The following TMEM132C variants were observed in gnomAD, a reference collection of about 807,000 sequenced individuals.
TMEM132C encodes transmembrane protein 132C, also known as protein phosphatase 1, regulatory subunit 152.
TMEM132C carries 29 observed loss-of-function variants against 61.4 expected under a neutral mutation model. That is an observed-to-expected ratio of 0.47 (90% CI 0.35 to 0.64). TMEM132C has a LOEUF of 0.64. Among genes scored for constraint, TMEM132C ranks in the 30% least tolerant of loss-of-function variants. TMEM132C has a pLI of 0.00. For missense variants in TMEM132C, 1,408 were observed against 1,476.9 expected, an observed-to-expected ratio of 0.95 and a Z score of 0.76; for synonymous variants, 656 against 633.1, an observed-to-expected ratio of 1.04 and a Z score of -0.54.
At chr12:128,301,940 A>T (rs1218388680) in intron 1 of TMEM132C, among the ~76,000 whole-genome samples, 8 of 152,334 alleles carry the variant, frequency 5.3e-5, no homozygotes, top group Admixed American at 2.6e-4. Flanking sequence ...GTGAAAGAGG[A>T]AACCACTTAT....
At chr12:128,645,128 C>T (rs370643377) in intron 4 of TMEM132C, among the ~76,000 whole-genome samples, 2 of 152,096 alleles carry the variant, frequency 1.3e-5, no homozygotes, top group South Asian at 2.1e-4. Flanking sequence ...GACTCCTGGC[C>T]GCACTGGAGA....
intron 4 of TMEM132C, among the ~76,000 whole-genome samples, chr12:128,617,567 T>G (rs960402180): frequency 5.3e-5 from 8 of 151,882 alleles, no homozygotes; most frequent in African/African-American, 1.7e-4. Context: ...AGGTGTAGCA[T>G]CAGGTGAGGC....
At chr12:128,268,515 C>T (rs1870396398) in intron 1 of TMEM132C, among the ~76,000 whole-genome samples, 1 of 152,110 alleles carries the variant, frequency 6.6e-6, no homozygotes, top group South Asian at 2.1e-4. Flanking sequence ...CTGCTCCCCG[C>T]GCCCTGGCGA....
At chr12:128,513,083 G>A (rs1458974734) in intron 2 of TMEM132C, among the ~76,000 whole-genome samples, 2 of 152,148 alleles carry the variant, frequency 1.3e-5, no homozygotes, top group Non-Finnish European at 2.9e-5. Flanking sequence ...GCTCAGAAGA[G>A]GGGAAGACAG....
At chr12:128,490,856 T>C (rs1220597189) in intron 2 of TMEM132C, among the ~76,000 whole-genome samples, 1 of 152,178 alleles carries the variant, frequency 6.6e-6, no homozygotes, top group African/African-American at 2.4e-5. Context: ...GGATGATTCA[T>C]TAGTAGCACT....
At chr12:128,360,300 G>T (rs554897994) in intron 1 of TMEM132C, among the ~76,000 whole-genome samples, 2 of 151,784 alleles carry the variant, frequency 1.3e-5, no homozygotes, top group South Asian at 4.2e-4. Flanking sequence ...AACAGAGAGA[G>T]AACAATAGGA....
intron 1 of TMEM132C, among the ~76,000 whole-genome samples, chr12:128,300,383 A>G (rs1871555932): frequency 1.3e-5 from 2 of 152,116 alleles, no homozygotes; most frequent in Non-Finnish European, 2.9e-5. Flanking sequence ...AGCAGAGTTC[A>G]TGGTTTTTCT....
rs529796682 is a variant in TMEM132C at position 128,664,040 on chromosome 12, G to A, written c.1306-5377G>A. Among the ~76,000 whole-genome samples, 836 of 108,114 alleles carry A rather than the reference G, an allele frequency of 7.7e-3. 13 individuals are homozygous for A. Among genetic ancestry groups the A allele is most frequent in the African/African-American group, 0.028 (780 of 27,814 alleles). The allele number at this position is 108,114 out of a possible 152,430, so 70.9% of individuals were successfully genotyped here. On this transcript the variant is annotated intron_variant, in intron 4 of 8. Coordinates refer to ENST00000435159, the MANE Select transcript of TMEM132C (RefSeq NM_001136103.3). ...TACACACAGGCACACGCACCCACAC[G>A]CACGCACGCGGGCACTCACAGGCAC... is the stretch of plus-strand genomic sequence containing the variant.
rs1184742541 is a variant in TMEM132C, at chr12:128,415,401, T to C, written c.755T>C (p.Ile252Thr). ...GGTGACTTCAGGAAGGGCAACGCCA[T>C]CCGTCCAGGAAAGGATGGGCTGGAG... ...AGGDFRKGNA[I>T]RPGKDGLEET... Residue 252 changes from isoleucine (I) to threonine (T), a missense_variant, in exon 2 of 9, where the codon ATC becomes ACC. By Grantham distance (89) the Ile-to-Thr change is moderately conservative. Transcript: ENST00000435159. The surrounding 1 kb of genome is among the most constrained non-coding windows in gnomAD (Gnocchi z 5.8). The C allele has an allele frequency of 6.5e-7, 1 of 1,550,360 alleles. No individual in the cohort carries two copies. The highest frequency in any genetic ancestry group is 2.4e-5 in the East Asian group (1 of 40,878).
rs574474289 is a variant in TMEM132C, at chr12:128,520,847, T to C, written c.975-23110T>C. ...GTTTATTAGAGGCTTGGACTGCTTC[T>C]GTGTCTCTTTGTTGTGCTTCTCTGG... On this transcript the variant is annotated intron_variant, in intron 2 of 8. Coordinates refer to ENST00000435159, the MANE Select transcript of TMEM132C (RefSeq NM_001136103.3). 2.0e-5 allele frequency among the ~76,000 whole-genome samples: 3 copies of C among 152,278 alleles called. No homozygotes were observed. In the South Asian group the frequency reaches 6.2e-4, roughly 32 times the overall value.
At chr12:128,669,584 G>C in intron 5 of TMEM132C, 24 bp downstream of exon 5, 1 of 1,549,672 alleles carries the variant, frequency 6.5e-7, no homozygotes, top group Non-Finnish European at 8.7e-7. Context: ...CAGCCAGCTG[G>C]ATGGAACCGG....
At chr12:128,646,584 A>C (rs1260279846) in intron 4 of TMEM132C, among the ~76,000 whole-genome samples, 1 of 147,966 alleles carries the variant, frequency 6.8e-6, no homozygotes, top group Non-Finnish European at 1.5e-5. Flanking sequence ...ACTGGAGTCC[A>C]TCAGCGTTGG....
intron 2 of TMEM132C, among the ~76,000 whole-genome samples, chr12:128,471,492 C>T (rs192036517): frequency 9.9e-5 from 15 of 152,216 alleles, no homozygotes; most frequent in African/African-American, 3.4e-4. Flanking sequence ...CTGCCCCTGG[C>T]CCTAGGCATA....
At chr12:128,488,774 A>G (rs1871597971) in intron 2 of TMEM132C, among the ~76,000 whole-genome samples, 1 of 152,120 alleles carries the variant, frequency 6.6e-6, no homozygotes, top group African/African-American at 2.4e-5. Context: ...TCAAACGTCA[A>G]AAACTTTCTT....
chr12:128,312,207 C>T (rs1871992489), intron 1 of TMEM132C, among the ~76,000 whole-genome samples: 1 of 152,184 alleles, frequency 6.6e-6, no homozygotes, highest in African/African-American at 2.4e-5. Context: ...AATGTGACCT[C>T]ATTTGGAAAT....
At chr12:128,589,652 C>T (rs577159958) in intron 3 of TMEM132C, among the ~76,000 whole-genome samples, 11 of 152,108 alleles carry the variant, frequency 7.2e-5, no homozygotes, top group Non-Finnish European at 1.3e-4. Context: ...GAATGATCTC[C>T]CAGCACAGAG....
At chr12:128,565,971 C>A (rs745561296) in intron 3 of TMEM132C, among the ~76,000 whole-genome samples, 1 of 151,944 alleles carries the variant, frequency 6.6e-6, no homozygotes, top group Non-Finnish European at 1.5e-5. Flanking sequence ...CTCACTGCAA[C>A]CTCCGCCACC....
At chr12:128,377,058 ATT>A (rs199866756) in intron 1 of TMEM132C, among the ~76,000 whole-genome samples, 3 of 144,866 alleles carry the variant, frequency 2.1e-5, no homozygotes, top group African/African-American at 2.5e-5. Flanking sequence ...TGCTTTCTTG[ATT>A]TTTTTTTTTT....
rs543318061 is a variant in TMEM132C at position 128,425,174 on chromosome 12, G to T, written c.974+9554G>T. 2.0e-5 allele frequency among the ~76,000 whole-genome samples: 3 copies of T among 152,328 alleles called. No homozygotes were observed. The South Asian group carries it at 6.2e-4, about 32-fold the overall frequency. Reference sequence around the variant, plus strand: ...ATTAGCCAGGCCCTCAGGCCGCCCAGATCAACACATAATCTAATGAAGACA... The same window carrying T: ...ATTAGCCAGGCCCTCAGGCCGCCCATATCAACACATAATCTAATGAAGACA... On this transcript the variant is annotated intron_variant, in intron 2 of 8. Transcript: ENST00000435159.
Sources: allele counts gnomAD v4.1 joint callset (sites outside exome capture counted in the v4.1 genomes callset), GRCh38; gene constraint gnomAD v4.1.1; non-coding constraint Gnocchi (gnomAD v3.1); transcripts MANE v1.5; gene names NCBI Gene and HGNC (gene_info 2026-07-23, HGNC 2026-07-21).